Variants in IL6R observed in about 807,000 individuals in gnomAD.
The protein encoded by IL6R is interleukin-6 receptor subunit alpha.
A neutral mutation model predicts 48.3 loss-of-function variants in IL6R; 38 were observed. That is an observed-to-expected ratio of 0.79 (90% confidence interval 0.61 to 1.03). The LOEUF is 1.03. Ranked by LOEUF, IL6R falls within the 50% of genes least tolerant of loss-of-function variation. The pLI is 0.00. For synonymous variants in IL6R, 264 were observed against 256.2 expected, an observed-to-expected ratio of 1.03 and a Z score of -0.29; for missense variants, 534 against 618.3, an observed-to-expected ratio of 0.86 and a Z score of 1.45.
Position 154,465,250 on chromosome 1 carries a change from C to T in IL6R, c.1277C>T (p.Pro426Leu). 1 of 1,614,198 alleles carries T rather than the reference C, an allele frequency of 6.2e-7. No homozygotes were observed. The highest frequency in any genetic ancestry group is 8.5e-7 in the Non-Finnish European group (1 of 1,180,040). ...CCTCGACCCACCCCAGTGCTTGTTC[C>T]TCTCATCTCCCCACCGGTGTCCCCC... ...ERPRPTPVLV[P>L]LISPPVSPSS... Residue 426 changes from proline (P) to leucine (L), a missense_variant, in exon 10 of 10, where the codon CCT becomes CTT. Pro to Leu is a moderately conservative substitution (Grantham distance 98). Coordinates refer to ENST00000368485, the MANE Select transcript of IL6R (RefSeq NM_000565.4).
chr1:154,447,686 TTTTTGTTTTGTTTTG>T (rs527467504), intron 6 of IL6R, among the ~76,000 whole-genome samples: 1,784 of 148,414 alleles, frequency 0.012, 27 homozygotes, highest in Admixed American at 0.039. Flanking sequence ...AGCATGCTGT[TTTTTGTTTTGTTTTG>T]TTTTGTTTTG....
At chr1:154,447,568 T>TAC (rs1287946717) in intron 6 of IL6R, among the ~76,000 whole-genome samples, 2 of 144,702 alleles carry the variant, frequency 1.4e-5, no homozygotes, top group Admixed American at 1.4e-4. Flanking sequence ...TATATATATA[T>TAC]ACACATACAT....
At chr1:154,445,701 G>A (rs1473359682) in intron 6 of IL6R, among the ~76,000 whole-genome samples, 1 of 150,326 alleles carries the variant, frequency 6.7e-6, no homozygotes, top group Non-Finnish European at 1.5e-5. Flanking sequence ...AGTGAGCTGA[G>A]TTTGCGCCAC....
At chr1:154,430,143 T>C (rs1303144256) in intron 2 of IL6R, among the ~76,000 whole-genome samples, 2 of 152,206 alleles carry the variant, frequency 1.3e-5, no homozygotes, top group Non-Finnish European at 1.5e-5. Context: ...GAAGAGCAGC[T>C]AGGACTTGCC....
intron 3 of IL6R, among the ~76,000 whole-genome samples, chr1:154,431,139 G>A (rs1246091410): frequency 2.0e-5 from 3 of 152,156 alleles, no homozygotes; most frequent in Non-Finnish European, 4.4e-5. Context: ...CGGGGGAGAG[G>A]GAGCTTGGGG....
At chr1:154,446,688 A>G (rs573977665) in intron 6 of IL6R, among the ~76,000 whole-genome samples, 1 of 152,274 alleles carries the variant, frequency 6.6e-6, no homozygotes, top group African/African-American at 2.4e-5. Flanking sequence ...CCTGGTCCAC[A>G]TCCCTGCTGC....
Position 154,405,863 on chromosome 1 carries a change from C to T in IL6R, c.85+149C>T. The T allele has an allele frequency of 3.1e-6, 2 of 637,262 alleles. No individual in the cohort carries two copies. The highest frequency in any genetic ancestry group is 3.9e-4 in the Middle Eastern group (1 of 2,574). The allele number at this position is 637,262 out of a possible 1,614,324, so 39.5% of individuals were successfully genotyped here. A position where few individuals can be genotyped will look rare whatever the true frequency, so the allele number is the denominator to read the frequency against. ...GGCTGCCTTGAGGCCCCGCGGGTAC[C>T]TAGCTGTGTGGTCGCGGGTAGTGGC... On this transcript the variant is annotated intron_variant, in intron 1 of 9. Coordinates refer to ENST00000368485, the MANE Select transcript of IL6R (RefSeq NM_000565.4). This position sits in a 1 kb window ranked among gnomAD's most constrained non-coding sequence, Gnocchi z 5.2.
chr1:154,435,490 CAG>C (rs1689565249), intron 5 of IL6R, among the ~76,000 whole-genome samples: 1 of 136,222 alleles, frequency 7.3e-6, no homozygotes, highest in South Asian at 2.3e-4. Flanking sequence ...GCCTGGGCGA[CAG>C]AGTTAGACTC....
Position 154,455,829 on chromosome 1 carries a change from G to A in IL6R, c.1160+1248G>A, listed in dbSNP as rs916623553. Among the ~76,000 whole-genome samples, 13 of 151,844 alleles carry A rather than the reference G, an allele frequency of 8.6e-5. No homozygotes were observed. In the East Asian group the frequency reaches 1.0e-3, roughly 12 times the overall value. On this transcript the variant is annotated intron_variant, in intron 9 of 9. Transcript: ENST00000368485. ...TCCATCACTTTGGGAGGCTGAGGCAGGTGGATCACCTGAGGTCAGGAGTTC... is the reference window on the plus strand; with the variant it reads ...TCCATCACTTTGGGAGGCTGAGGCAAGTGGATCACCTGAGGTCAGGAGTTC...
Position 154,465,740 on chromosome 1 carries a change from C to T in IL6R, c.*360C>T, listed in dbSNP as rs1571023627. The T allele has an allele frequency of 7.5e-6, 2 of 267,036 alleles. No homozygotes were observed. Among genetic ancestry groups the T allele is most frequent in the East Asian group, 1.8e-4 (2 of 11,080 alleles). 16.5% of individuals were successfully genotyped at this position (267,036 alleles called of 1,614,324 possible). ...GCGGCTGGCAGCCCACCCCTCAACA[C>T]CTCTGCACAAGCTGCACCCTCAGGC... On this transcript the variant is annotated 3_prime_UTR_variant, in exon 10 of 10. Transcript: ENST00000368485.
Position 154,430,564 on chromosome 1 carries a change from C to T in IL6R, c.416C>T (p.Thr139Ile). 6.2e-7 allele frequency: 1 copy of T among 1,614,146 alleles called. No homozygotes were observed. The highest frequency in any genetic ancestry group is 1.1e-5 in the South Asian group (1 of 91,080). ...GTTTGTGAGTGGGGTCCTCGGAGCA[C>T]CCCATCCCTGACGACAAAGGCTGTG... ...NVVCEWGPRS[T>I]PSLTTKAVLL... The change falls in exon 3 of 10, where the codon ACC becomes ATC. Residue 139 changes from threonine (T) to isoleucine (I), a missense_variant. Physicochemically the swap from Thr to Ile is moderately conservative, Grantham distance 89. Coordinates refer to ENST00000368485, the MANE Select transcript of IL6R (RefSeq NM_000565.4).
intron 1 of IL6R, among the ~76,000 whole-genome samples, chr1:154,427,381 C>T (rs895442233): frequency 1.3e-5 from 2 of 152,172 alleles, no homozygotes; most frequent in African/African-American, 4.8e-5. Flanking sequence ...AAACACAGGA[C>T]TTGCCCACCG....
intron 1 of IL6R, among the ~76,000 whole-genome samples, chr1:154,417,857 C>T (rs1314136116): frequency 1.3e-5 from 2 of 151,958 alleles, no homozygotes; most frequent in Non-Finnish European, 2.9e-5. Context: ...GCCTCAGCCT[C>T]CCAAGTAGCT....
At chr1:154,409,305 T>C (rs72698118) in intron 1 of IL6R, among the ~76,000 whole-genome samples, 7,706 of 152,218 alleles carry the variant, frequency 0.051, 461 homozygotes, top group African/African-American at 0.14. Context: ...GGCTAGAGTG[T>C]TAACCAGTTT....
In IL6R at chr1:154,467,303, T is replaced by C. The variant is rs1691595222; in HGVS notation, c.*1923T>C. The C allele has an allele frequency of 6.6e-6, 1 of 152,178 alleles. No individual in the cohort carries two copies. Among genetic ancestry groups the C allele is most frequent in the Admixed American group, 6.6e-5 (1 of 15,264 alleles). 9.4% of individuals were successfully genotyped at this position (152,178 alleles called of 1,614,324 possible). On this transcript the variant is annotated 3_prime_UTR_variant, in exon 10 of 10. Coordinates refer to ENST00000368485, the MANE Select transcript of IL6R (RefSeq NM_000565.4). ...CCGAGCTTTGAAAATTCAGTGGTGTTAGTGGTTACCCAGTTAGCTCTCAAG... is the reference window on the plus strand; with the variant it reads ...CCGAGCTTTGAAAATTCAGTGGTGTCAGTGGTTACCCAGTTAGCTCTCAAG...
chr1:154,448,350 C>A (rs1690389632), intron 7 of IL6R, among the ~76,000 whole-genome samples, 179 bp downstream of exon 7: 1 of 152,202 alleles, frequency 6.6e-6, no homozygotes, highest in South Asian at 2.1e-4. Context: ...TTATCTTGTC[C>A]CAGGACTGTA....
At chr1:154,461,793 G>A (rs1276791932) in intron 9 of IL6R, among the ~76,000 whole-genome samples, 3 of 152,112 alleles carry the variant, frequency 2.0e-5, no homozygotes, top group African/African-American at 7.3e-5. Context: ...TTTGGGGCTA[G>A]GGTTGTAAAA....
At chr1:154,426,321 A>C (rs1688965312) in intron 1 of IL6R, among the ~76,000 whole-genome samples, 2 of 151,546 alleles carry the variant, frequency 1.3e-5, no homozygotes, top group Non-Finnish European at 2.9e-5. Context: ...GACCAGCCTG[A>C]CTAATATGGT....
chr1:154,428,429 C>T (rs181822690), intron 1 of IL6R, among the ~76,000 whole-genome samples: 15 of 152,176 alleles, frequency 9.9e-5, no homozygotes, highest in Admixed American at 2.0e-4. Context: ...CAGTTACCAA[C>T]TATATAACGG....
Sources: allele counts gnomAD v4.1 joint callset (sites outside exome capture counted in the v4.1 genomes callset), GRCh38; gene constraint gnomAD v4.1.1; non-coding constraint Gnocchi (gnomAD v3.1); transcripts MANE v1.5; gene names NCBI Gene and HGNC (gene_info 2026-07-23, HGNC 2026-07-21).